LYRM4: variants seen among roughly 807,000 people sequenced by gnomAD.
LYRM4 encodes the protein LYR motif containing 4.
LYRM4 carries 9 observed loss-of-function variants against 11.7 expected under a neutral mutation model. That is an observed-to-expected ratio of 0.77 (90% CI 0.46 to 1.34). The LOEUF (loss-of-function observed/expected upper bound fraction) is 1.34. LYRM4 is among the 40% of genes most tolerant of loss of function. The probability of loss-of-function intolerance (pLI) is 0.00; values close to 1 mark genes in which losing one functional copy is unlikely to be tolerated. For missense variants in LYRM4, 133 were observed against 112.5 expected, an observed-to-expected ratio of 1.18 and a Z score of -0.82; for synonymous variants, 42 against 40.4, an observed-to-expected ratio of 1.04 and a Z score of -0.15.
intron 1 of LYRM4, among the ~76,000 whole-genome samples, chr6:5,250,839 A>G (rs1764396922): frequency 6.6e-6 from 1 of 152,190 alleles, no homozygotes; most frequent in African/African-American, 2.4e-5. Flanking sequence ...AGTGAAAGCA[A>G]TTTTTACAGA....
chr6:5,214,906 G>A (rs1160029295), intron 2 of LYRM4, among the ~76,000 whole-genome samples: 1 of 151,602 alleles, frequency 6.6e-6, no homozygotes. Flanking sequence ...GTCGCCGTGT[G>A]TATTCTCCAT....
chr6:5,170,795 C>CT (rs1759385415), intron 2 of LYRM4, among the ~76,000 whole-genome samples: 2 of 152,212 alleles, frequency 1.3e-5, no homozygotes, highest in Non-Finnish European at 2.9e-5. Flanking sequence ...CCTATCAATT[C>CT]TACTTCTAAT....
chr6:5,086,191 T>TC, the LYRM4 span: 1 of 1,533,894 alleles, frequency 6.5e-7, no homozygotes, highest in Non-Finnish European at 8.7e-7. Context: ...GGTGAAGGGC[T>TC]CCGGCCGGGT....
At position 5,190,306 on chromosome 6, in the gene LYRM4, A is replaced by G. The variant is rs138529566; in HGVS notation, c.207+26312T>C. ...ATTTTTAAGTAGCAGTGACTTCTAA[A>G]TGCTCTCCTGATATATAGATAGATG... On this transcript the variant is annotated intron_variant, in intron 2 of 2. Transcript: ENST00000330636. Among the ~76,000 whole-genome samples, 192 of 152,222 alleles carry G rather than the reference A, an allele frequency of 1.3e-3. 1 individual carries two copies. Among genetic ancestry groups the G allele is most frequent in the African/African-American group, 4.5e-3 (187 of 41,528 alleles).
chr6:5,249,774 A>T (rs576755647), intron 1 of LYRM4, among the ~76,000 whole-genome samples: 1 of 152,314 alleles, frequency 6.6e-6, no homozygotes, highest in Admixed American at 6.5e-5. Context: ...GAAGGTCAGA[A>T]CTTTCCTAAA....
the LYRM4 span, among the ~76,000 whole-genome samples, chr6:5,096,230 C>T: frequency 2.0e-5 from 3 of 152,148 alleles, no homozygotes; most frequent in Admixed American, 2.0e-4. Flanking sequence ...TAGCTCATGC[C>T]TGTAATCTCA....
At chr6:5,063,923 G>A in the LYRM4 span, among the ~76,000 whole-genome samples, 1 of 152,310 alleles carries the variant, frequency 6.6e-6, no homozygotes, top group Non-Finnish European at 1.5e-5. Flanking sequence ...CTAGGCCTCT[G>A]GGCGAAGGGG....
At chr6:5,209,886 T>G (rs1761905139) in intron 2 of LYRM4, among the ~76,000 whole-genome samples, 1 of 152,244 alleles carries the variant, frequency 6.6e-6, no homozygotes, top group South Asian at 2.1e-4. Flanking sequence ...AATCTCTCTT[T>G]GCCTATCAGT....
chr6:5,045,785 A>T, the LYRM4 span, among the ~76,000 whole-genome samples: 1 of 151,466 alleles, frequency 6.6e-6, no homozygotes, highest in Non-Finnish European at 1.5e-5. Flanking sequence ...TGCCGAAAAG[A>T]GGTGTCTCAA....
chr6:5,126,146 C>T (rs558678119), intron 2 of LYRM4, among the ~76,000 whole-genome samples: 1 of 152,330 alleles, frequency 6.6e-6, no homozygotes, highest in East Asian at 1.9e-4. Flanking sequence ...ATTTCCTTTA[C>T]TTTTTGATAG....
the LYRM4 span, chr6:5,085,094 G>C: frequency 4.6e-6 from 1 of 219,490 alleles, no homozygotes; most frequent in Non-Finnish European, 8.9e-6. Context: ...CCCGCCGGGG[G>C]TGCGGGTGAG....
At chr6:5,214,413 T>C (rs1019756842) in intron 2 of LYRM4, among the ~76,000 whole-genome samples, 7 of 152,114 alleles carry the variant, frequency 4.6e-5, no homozygotes, top group African/African-American at 1.7e-4. Context: ...AGGAGTGCAA[T>C]GGAGGGCCTC....
chr6:5,081,788 C>A, the LYRM4 span, among the ~76,000 whole-genome samples: 1 of 152,190 alleles, frequency 6.6e-6, no homozygotes, highest in Admixed American at 6.5e-5. Flanking sequence ...TGAATTTATG[C>A]TAATGAGATG....
intron 2 of LYRM4, among the ~76,000 whole-genome samples, chr6:5,178,018 T>C (rs182740059): frequency 1.3e-5 from 2 of 152,198 alleles, no homozygotes; most frequent in Admixed American, 1.3e-4. Context: ...TAACTAAGTA[T>C]TTAATTACTT....
chr6:5,033,104 A>T, the LYRM4 span: 2 of 151,894 alleles, frequency 1.3e-5, no homozygotes, highest in Admixed American at 1.3e-4. Flanking sequence ...GGCCCCCGGA[A>T]AACATCAGAT....
intron 2 of LYRM4, among the ~76,000 whole-genome samples, chr6:5,152,573 G>T (rs1308842751): frequency 6.6e-6 from 1 of 152,204 alleles, no homozygotes; most frequent in African/African-American, 2.4e-5. Context: ...GGCAGCCCCA[G>T]CTGCGTGTCT....
intron 2 of LYRM4, among the ~76,000 whole-genome samples, chr6:5,182,040 A>G (rs1472065370): frequency 6.6e-6 from 1 of 152,208 alleles, no homozygotes; most frequent in Non-Finnish European, 1.5e-5. Flanking sequence ...ATCCCCAGAC[A>G]TACTTTGTAA....
At chr6:5,162,505 G>GAGAGAGAGAGAGAGAA (rs1173547989) in intron 2 of LYRM4, among the ~76,000 whole-genome samples, 7 of 146,124 alleles carry the variant, frequency 4.8e-5, no homozygotes, top group African/African-American at 1.6e-4. Context: ...GAGCGAGAGA[G>GAGAGAGAGAGAGAGAA]AGAGAGAGAG....
chr6:5,088,859 T>C, the LYRM4 span: 1 of 152,216 alleles, frequency 6.6e-6, no homozygotes, highest in Non-Finnish European at 1.5e-5. Context: ...CCTGTTGCCT[T>C]CTTTCACCTA....
Sources: gnomAD v4.1 joint callset for allele counts (sites outside exome capture counted in the v4.1 genomes callset) on GRCh38, gnomAD v4.1.1 for gene constraint, MANE v1.5 for transcripts, NCBI Gene and HGNC (gene_info 2026-07-23, HGNC 2026-07-21) for gene names.